The following CUL2 variants were observed in gnomAD, a reference collection of about 807,000 sequenced individuals.
The protein encoded by CUL2 is cullin 2, also known as cullin-2.
Under a neutral mutation model 110.2 loss-of-function variants are expected in CUL2, and 22 were observed. The observed-to-expected ratio is 0.20, with a 90% CI of 0.14 to 0.28. CUL2 has a LOEUF of 0.28. Among genes scored for constraint, CUL2 ranks in the 10% least tolerant of loss-of-function variants. The probability of loss-of-function intolerance (pLI) is 1.00; values close to 1 mark genes in which losing one functional copy is unlikely to be tolerated. For synonymous variants in CUL2, 279 were observed against 293.2 expected, an observed-to-expected ratio of 0.95 and a Z score of 0.49; for missense variants, 631 against 905.5, an observed-to-expected ratio of 0.70 and a Z score of 3.89.
At chr10:35,010,688 C>T (rs1202093033) in intron 20 of CUL2, among the ~76,000 whole-genome samples, 2 of 151,392 alleles carry the variant, frequency 1.3e-5, no homozygotes, top group African/African-American at 4.9e-5. Context: ...TTCTATTTAA[C>T]TCAACTCTCA....
At chr10:35,125,720 G>A (rs2135163198) in intron 1 of CUL2, among the ~76,000 whole-genome samples, 1 of 152,288 alleles carries the variant, frequency 6.6e-6, no homozygotes, top group East Asian at 1.9e-4. Context: ...TTTTTTTGTG[G>A]ACCTGCTGTA....
rs181725769 is a variant in CUL2 at position 35,060,661 on chromosome 10, T to C, written c.317+213A>G. The stretch of plus-strand genomic sequence containing the variant: ...GCCATGCAATCGAGTACAGTTTTAC[T>C]TTTCACAGAACGTTCCACACACTCC... On this transcript the variant is annotated intron_variant, in intron 4 of 20. Coordinates refer to ENST00000374749, the MANE Select transcript of CUL2 (RefSeq NM_003591.4). Among the ~76,000 whole-genome samples the C allele has an allele frequency of 3.3e-5, 5 of 152,330 alleles. No individual in the cohort carries two copies. The East Asian group carries it at 9.6e-4, about 29-fold the overall frequency.
intron 2 of CUL2, among the ~76,000 whole-genome samples, chr10:35,069,147 G>A (rs867207204): frequency 1.3e-5 from 2 of 152,086 alleles, no homozygotes; most frequent in African/African-American, 2.4e-5. Flanking sequence ...AATTGTAGGC[G>A]TGAGACAACG....
At chr10:35,082,290 A>G (rs1386636023) in intron 1 of CUL2, among the ~76,000 whole-genome samples, 1 of 152,246 alleles carries the variant, frequency 6.6e-6, no homozygotes, top group East Asian at 1.9e-4. Context: ...CAAATACACT[A>G]GACACAAGGT....
chr10:35,090,822 A>G (rs2087192387), upstream of CUL2, among the ~76,000 whole-genome samples: 1 of 152,248 alleles, frequency 6.6e-6, no homozygotes, highest in African/African-American at 2.4e-5. Context: ...ACTGCTAATA[A>G]CAATATGTTG....
chr10:35,047,877 C>A (rs1427804365), intron 6 of CUL2, among the ~76,000 whole-genome samples: 3 of 151,786 alleles, frequency 2.0e-5, no homozygotes, highest in African/African-American at 7.3e-5. Context: ...CGCACTCCAG[C>A]CTAGTAGACA....
intron 5 of CUL2, among the ~76,000 whole-genome samples, chr10:35,051,398 G>T (rs1160062633): frequency 6.6e-6 from 1 of 151,850 alleles, no homozygotes; most frequent in African/African-American, 2.4e-5. Context: ...CGGATCACAA[G>T]GTCAGGAGAT....
chr10:35,095,138 AT>A (rs1232628030), upstream of CUL2, among the ~76,000 whole-genome samples: 3 of 152,094 alleles, frequency 2.0e-5, no homozygotes, highest in Non-Finnish European at 4.4e-5. Context: ...CCTGGCCAAT[AT>A]GGTAAAACCT....
At position 35,058,543 on chromosome 10, in the gene CUL2, A is replaced by AT. The variant is rs781356330; in HGVS notation, c.317+2330dup. On this transcript the variant is annotated intron_variant, in intron 4 of 20. Transcript: ENST00000374749. ...CCTAAGGTCTGCTAGCATCCACCTG[A>AT]TAAGTGTCGATTCTTAGCTGATAAT... 1.1e-4 allele frequency among the ~76,000 whole-genome samples: 16 copies of AT among 152,342 alleles called. No individual in the cohort carries two copies. In the South Asian group the frequency reaches 2.1e-3, roughly 20 times the overall value.
chr10:35,081,480 C>G (rs1194793790), intron 1 of CUL2, among the ~76,000 whole-genome samples: 2 of 152,188 alleles, frequency 1.3e-5, no homozygotes, highest in Non-Finnish European at 2.9e-5. Context: ...TATCCCCGAT[C>G]TCAGGTAAAT....
chr10:35,097,930 G>A (rs1430140017), intron 2 of CUL2: 1 of 152,012 alleles, frequency 6.6e-6, no homozygotes, highest in African/African-American at 2.4e-5. Context: ...CTGCACTCCA[G>A]CCTGGGTGAC....
intron 20 of CUL2, 68 bp from the exon 21 acceptor site, chr10:35,010,510 A>G: frequency 6.7e-7 from 1 of 1,486,246 alleles, no homozygotes; most frequent in Non-Finnish European, 9.0e-7. Context: ...CTTTTAACCA[A>G]TCAGTTTAAA....
At chr10:35,114,079 TGGGTTTTTTTTTTTTG>T (rs1207599796) in intron 1 of CUL2, among the ~76,000 whole-genome samples, 3 of 143,782 alleles carry the variant, frequency 2.1e-5, no homozygotes, top group South Asian at 2.2e-4. Flanking sequence ...GGCTAATTTT[TGGGTTTTTTTTTTTTG>T]GTATCTTTAG....
chr10:35,018,840 CTTGA>C (rs2085113467), intron 17 of CUL2, among the ~76,000 whole-genome samples: 2 of 150,212 alleles, frequency 1.3e-5, no homozygotes, highest in Non-Finnish European at 3.0e-5. Flanking sequence ...GCAATATTAT[CTTGA>C]TTATTATCAT....
intron 1 of CUL2, among the ~76,000 whole-genome samples, chr10:35,088,822 A>C (rs893213024): frequency 6.6e-6 from 1 of 152,240 alleles, no homozygotes; most frequent in Non-Finnish European, 1.5e-5. Context: ...CGCTATGTGC[A>C]TGCACATTGT....
chr10:35,122,810 G>T (rs997928383), intron 1 of CUL2, among the ~76,000 whole-genome samples: 2 of 152,028 alleles, frequency 1.3e-5, no homozygotes. Context: ...GCTTATTTTT[G>T]TATTTTTAGT....
intron 14 of CUL2, 40 bp from the exon 15 acceptor site, chr10:35,029,680 A>AAAT (rs1453105835): frequency 6.9e-7 from 1 of 1,441,184 alleles, no homozygotes; most frequent in African/African-American, 1.4e-5. Flanking sequence ...TTCAAAAGAA[A>AAAT]AATAATAAGT....
intron 1 of CUL2, among the ~76,000 whole-genome samples, chr10:35,124,537 G>A (rs983714873): frequency 1.3e-5 from 2 of 152,180 alleles, no homozygotes; most frequent in South Asian, 2.1e-4. Flanking sequence ...CTTCTCTTGA[G>A]AAATCTGAAG....
At chr10:35,111,708 T>G (rs1273337961) in intron 1 of CUL2, among the ~76,000 whole-genome samples, 1 of 152,036 alleles carries the variant, frequency 6.6e-6, no homozygotes, top group Non-Finnish European at 1.5e-5. Context: ...GCCAACATGG[T>G]GAAAACTGGT....
Sources: gnomAD v4.1 joint callset for allele counts (sites outside exome capture counted in the v4.1 genomes callset) on GRCh38, gnomAD v4.1.1 for gene constraint, MANE v1.5 for transcripts, NCBI Gene and HGNC (gene_info 2026-07-23, HGNC 2026-07-21) for gene names.